The following KIF21A variants were observed in gnomAD, a reference collection of about 807,000 sequenced individuals.
The protein encoded by KIF21A is kinesin-like protein KIF21A.
Under a neutral mutation model 202.9 loss-of-function variants are expected in KIF21A, and 114 were observed. The observed-to-expected ratio is 0.56, with a 90% CI of 0.48 to 0.66. The LOEUF is 0.66. Among genes scored for constraint, KIF21A ranks in the 30% least tolerant of loss-of-function variants. The pLI, the probability that KIF21A is intolerant of heterozygous loss-of-function variation, is 0.00. For missense variants in KIF21A, 1,677 were observed against 1,994.9 expected, an observed-to-expected ratio of 0.84 and a Z score of 3.04; for synonymous variants, 667 against 670.8, an observed-to-expected ratio of 0.99 and a Z score of 0.09.
chr12:39,311,729 T>C, intron 31 of KIF21A, 176 bp from the exon 32 acceptor site: 1 of 651,208 alleles, frequency 1.5e-6, no homozygotes, highest in African/African-American at 1.8e-5. Flanking sequence ...ATAATAGTGA[T>C]GGAGTATATC....
chr12:39,358,505 C>A, intron 7 of KIF21A, 132 bp from the exon 8 acceptor site: 1 of 791,592 alleles, frequency 1.3e-6, no homozygotes, highest in Non-Finnish European at 2.1e-6. Context: ...AATTTAAAAG[C>A]CCCTGTACTT....
chr12:39,311,607 A>G (rs1041639098), intron 31 of KIF21A, 54 bp from the exon 32 acceptor site: 1 of 1,587,358 alleles, frequency 6.3e-7, no homozygotes, highest in South Asian at 1.1e-5. Flanking sequence ...TCATGAGACT[A>G]TATCATGAGA....
In KIF21A at chr12:39,307,632, G is replaced by T; in HGVS notation, c.4375C>A (p.Leu1459Ile). 1.2e-6 allele frequency: 2 copies of T among 1,614,062 alleles called. No individual in the cohort carries two copies. The highest frequency in any genetic ancestry group is 1.7e-6 in the Non-Finnish European group (2 of 1,179,946). Reference sequence around the variant, plus strand: ...TAGAGGAAGGTGCCAGTTGGGTTTAGGGCAATTTGATTGATCTGGTTCTCT... The same window carrying T: ...TAGAGGAAGGTGCCAGTTGGGTTTATGGCAATTTGATTGATCTGGTTCTCT... ...SGENQINQIALNPTGTFLYAA... is the reference protein window; with the variant it reads ...SGENQINQIAINPTGTFLYAA... The change falls in exon 34 of 38, where the codon CTA becomes ATA. Residue 1459 changes from leucine to isoleucine, a missense_variant. By Grantham distance (5) the Leu-to-Ile change is conservative. Transcript: ENST00000361418.
intron 1 of KIF21A, among the ~76,000 whole-genome samples, chr12:39,400,730 C>G (rs1200071667): frequency 6.6e-6 from 1 of 152,176 alleles, no homozygotes; most frequent in African/African-American, 2.4e-5. Context: ...AGAACTATCA[C>G]TAGGTCCAGA....
intron 1 of KIF21A, among the ~76,000 whole-genome samples, chr12:39,381,429 A>G (rs1367718426): frequency 6.6e-6 from 1 of 152,138 alleles, no homozygotes; most frequent in Non-Finnish European, 1.5e-5. Flanking sequence ...TCTGGGAAGG[A>G]AAAAAGACTT....
At chr12:39,315,192 GA>G (rs1398168599) in intron 31 of KIF21A, 36 bp downstream of exon 31, 2 of 1,598,224 alleles carry the variant, frequency 1.3e-6, no homozygotes, top group Admixed American at 3.3e-5. Context: ...TTTGATACTG[GA>G]AATGAAATTA....
chr12:39,421,419 G>A (rs967590642), intron 1 of KIF21A, among the ~76,000 whole-genome samples: 4 of 152,216 alleles, frequency 2.6e-5, no homozygotes, highest in Non-Finnish European at 4.4e-5. Flanking sequence ...ATGGCCGAGC[G>A]CAGTGGCTCA....
chr12:39,300,606 T>C (rs913864686), intron 37 of KIF21A, among the ~76,000 whole-genome samples: 1 of 152,118 alleles, frequency 6.6e-6, no homozygotes, highest in Non-Finnish European at 1.5e-5. Flanking sequence ...GTGTTTTAGA[T>C]AGTCATAAGA....
intron 7 of KIF21A, among the ~76,000 whole-genome samples, chr12:39,359,090 A>C (rs1017425555): frequency 1.3e-5 from 2 of 152,214 alleles, no homozygotes; most frequent in African/African-American, 4.8e-5. Flanking sequence ...ACTGCAATTA[A>C]GGAGCAGTCT....
intron 23 of KIF21A, 139 bp downstream of exon 23, chr12:39,330,607 A>C: frequency 2.5e-6 from 2 of 794,906 alleles, no homozygotes; most frequent in South Asian, 3.4e-5. Flanking sequence ...ATGCAAATTA[A>C]AGAAAGAATA....
Position 39,326,301 on chromosome 12 carries a change from C to T in KIF21A, c.3364G>A (p.Glu1122Lys), listed in dbSNP as rs201693220. ...CCTGGGCTGTTTAAAGGAGCATCCT[C>T]ATCAGTACTATCCTCTACATTTTCT... ...PLENVEDSTD[E>K]DAPLNSPGSE... The change falls in exon 25 of 38, where the codon GAG becomes AAG. Residue 1122 changes from glutamate to lysine, a missense_variant. Physicochemically the swap from Glu to Lys is moderately conservative, Grantham distance 56 (BLOSUM62 1). Coordinates refer to ENST00000361418, the MANE Select transcript of KIF21A (RefSeq NM_001173464.2). 3.5e-5 allele frequency: 56 copies of T among 1,612,158 alleles called. No individual in the cohort carries two copies. The highest frequency in any genetic ancestry group is 4.8e-5 in the Non-Finnish European group (56 of 1,178,468).
rs1333883973 is a variant in KIF21A at position 39,356,895 on chromosome 12, C to T, written c.1406G>A (p.Gly469Asp). Residue 469 changes from glycine to aspartate, a missense_variant and splice_region_variant, in exon 10 of 38, where the codon GGT becomes GAT. Gly to Asp is a moderately conservative substitution (Grantham distance 94). This residue lies in a region of KIF21A where 966 missense variants were observed against 1,180.9 expected (regional missense o/e 0.82). Coordinates refer to ENST00000361418, the MANE Select transcript of KIF21A (RefSeq NM_001173464.2). ...DQANHVLARA[G>D]EGNEEISNMI... is the part of the protein sequence containing the mutation. ...ATTACTAATCTCCTCATTTCCTTCA[C>T]CTGAAAGACAAAATATGAAATAAAA... 1.6e-6 allele frequency: 2 copies of T among 1,244,334 alleles called. No homozygotes were observed. Among genetic ancestry groups the T allele is most frequent in the African/African-American group, 1.5e-5 (1 of 67,436 alleles). The allele number at this position is 1,244,334 out of a possible 1,614,324, so 77.1% of individuals were successfully genotyped here.
chr12:39,324,118 A>G (rs985288881), intron 26 of KIF21A, among the ~76,000 whole-genome samples: 3 of 152,162 alleles, frequency 2.0e-5, no homozygotes, highest in African/African-American at 7.2e-5. Context: ...TCAAAAAAAA[A>G]AAGAAATGAT....
rs78118401 is a variant in KIF21A at position 39,438,545 on chromosome 12, A to G, written c.44+4382T>C. Among the ~76,000 whole-genome samples the G allele has an allele frequency of 2.6e-4, 39 of 152,310 alleles. No homozygotes were observed. The East Asian group carries it at 7.5e-3, about 29-fold the overall frequency. On this transcript the variant is annotated intron_variant, in intron 1 of 37. Transcript: ENST00000361418. ...GTCCAAATAGCCCCTAAGCCTGCTG[A>G]GCAATGCCACTCCTTAAATTGCTTT...
intron 8 of KIF21A, 41 bp from the exon 9 acceptor site, chr12:39,357,478 T>TA (rs1172914701): frequency 6.5e-7 from 1 of 1,530,822 alleles, no homozygotes; most frequent in Admixed American, 1.7e-5. Flanking sequence ...TGAGGAGCCT[T>TA]AAAAACACAA....
chr12:39,317,024 C>T (rs962264880), intron 29 of KIF21A, among the ~76,000 whole-genome samples: 2 of 152,084 alleles, frequency 1.3e-5, no homozygotes, highest in South Asian at 2.1e-4. Flanking sequence ...TAATGTTCAA[C>T]TTTTCTCAAT....
At chr12:39,301,812 A>G in intron 36 of KIF21A, 133 bp from the exon 37 acceptor site, 1 of 775,028 alleles carries the variant, frequency 1.3e-6, no homozygotes, top group Non-Finnish European at 2.2e-6. Flanking sequence ...TTTATTTTCT[A>G]TGCAATCACT....
intron 10 of KIF21A, among the ~76,000 whole-genome samples, chr12:39,353,330 C>T (rs1193191302): frequency 1.1e-4 from 16 of 152,068 alleles, no homozygotes; most frequent in Admixed American, 1.0e-3. Context: ...TGGTCCTACA[C>T]ATTCTTTAAT....
intron 34 of KIF21A, among the ~76,000 whole-genome samples, chr12:39,305,427 C>T (rs540548732): frequency 1.1e-4 from 17 of 150,724 alleles, no homozygotes; most frequent in African/African-American, 3.2e-4. Flanking sequence ...GGCTGAAGTG[C>T]GGTGGCTATT....
Sources: allele counts gnomAD v4.1 joint callset (sites outside exome capture counted in the v4.1 genomes callset), GRCh38; gene constraint gnomAD v4.1.1; regional missense constraint gnomAD v4.1.1; transcripts MANE v1.5; gene names NCBI Gene and HGNC (gene_info 2026-07-23, HGNC 2026-07-21).